Variants in FOXN3 observed in about 807,000 individuals in gnomAD.
FOXN3 encodes forkhead box N3, also known as forkhead box protein N3.
A neutral mutation model predicts 38.4 loss-of-function variants in FOXN3; 7 were observed. That is an observed-to-expected ratio of 0.18 (90% CI 0.10 to 0.34). The LOEUF is 0.34. FOXN3 is among the 10% of genes least tolerant of loss of function. The pLI, the probability that FOXN3 is intolerant of heterozygous loss-of-function variation, is 1.00. For missense variants in FOXN3, 456 were observed against 613.4 expected (o/e 0.74, Z 2.71); for synonymous variants, 230 against 242.2 (o/e 0.95, Z 0.47).
chr14:89,447,589 A>G (rs1028299800), intron 1 of FOXN3, among the ~76,000 whole-genome samples: 4 of 152,048 alleles, frequency 2.6e-5, no homozygotes, highest in African/African-American at 9.7e-5. Context: ...GAGGAGAAGT[A>G]CCAACTCCCA....
At position 89,432,472 on chromosome 14, in the gene FOXN3, G is replaced by C. The variant is rs189133756; in HGVS notation, c.-14-19982C>G. ...AAAAGCTTCCTGCAGGCCAGGCACC[G>C]TGCCAAGAGCTTTACCTGCATTATT... On this transcript the variant is annotated intron_variant, in intron 1 of 6. Coordinates refer to the FOXN3 transcript ENST00000345097. 2.8e-4 allele frequency among the ~76,000 whole-genome samples: 42 copies of C among 152,170 alleles called. No homozygotes were observed. The East Asian group carries it at 2.9e-3, about 10-fold the overall frequency.
intron 1 of FOXN3, among the ~76,000 whole-genome samples, chr14:89,604,240 C>CACAG (rs1896220539): frequency 7.3e-6 from 1 of 137,188 alleles, no homozygotes; most frequent in African/African-American, 2.9e-5. Flanking sequence ...CACACACACA[C>CACAG]GTGCGCGCAC....
intron 2 of FOXN3, among the ~76,000 whole-genome samples, chr14:89,372,867 G>A (rs1215494427): frequency 6.6e-6 from 1 of 152,134 alleles, no homozygotes; most frequent in Admixed American, 6.6e-5. Context: ...AATTTAAAAT[G>A]GCTTTCAACA....
chr14:89,343,697 A>T (rs1409480987), intron 3 of FOXN3, among the ~76,000 whole-genome samples: 1 of 143,602 alleles, frequency 7.0e-6, no homozygotes, highest in African/African-American at 2.6e-5. Context: ...AGCTAAAAGG[A>T]GAAGCTTAAA....
chr14:89,227,768 T>C (rs141393942), intron 4 of FOXN3, among the ~76,000 whole-genome samples: 15 of 152,326 alleles, frequency 9.8e-5, no homozygotes, highest in Non-Finnish European at 1.5e-4. Context: ...GAGTCTCCTA[T>C]GGCCTTGAAG....
At position 89,161,196 on chromosome 14, in the gene FOXN3, C is replaced by T. The variant is rs928676997; in HGVS notation, c.*1218G>A. The T allele has an allele frequency of 1.3e-5, 2 of 152,344 alleles. No individual in the cohort carries two copies. The highest frequency in any genetic ancestry group is 2.9e-5 in the Non-Finnish European group (2 of 67,998). 9.4% of individuals were successfully genotyped at this position (152,344 alleles called of 1,614,324 possible). On this transcript the variant is annotated 3_prime_UTR_variant, in exon 6 of 6. Transcript: ENST00000557258. ...GGATCAGAAATTTCTGCTGGCTATA[C>T]TGGCTGAATGTGGAAATCACTGATT...
chr14:89,168,895 A>G (rs1038122692), intron 5 of FOXN3, among the ~76,000 whole-genome samples: 4 of 152,234 alleles, frequency 2.6e-5, no homozygotes, highest in African/African-American at 9.6e-5. Flanking sequence ...TAAAGTACTA[A>G]TTAAGATAAA....
chr14:89,371,269 A>T (rs1367388582), intron 2 of FOXN3, among the ~76,000 whole-genome samples: 1 of 152,010 alleles, frequency 6.6e-6, no homozygotes, highest in Non-Finnish European at 1.5e-5. Flanking sequence ...TTTGGGAGGG[A>T]TCTCTTCTGA....
chr14:89,506,324 T>TG (rs1171729171), intron 1 of FOXN3, among the ~76,000 whole-genome samples: 3 of 28,274 alleles, frequency 1.1e-4, no homozygotes, highest in Admixed American at 5.3e-4. Context: ...GGGAGGGAGG[T>TG]GGGGGGGTCA....
chr14:89,422,674 G>A (rs1422786590), intron 1 of FOXN3, among the ~76,000 whole-genome samples: 2 of 152,120 alleles, frequency 1.3e-5, no homozygotes, highest in African/African-American at 4.8e-5. Context: ...GTAAAGTCTT[G>A]GTCAAACATC....
chr14:89,211,998 T>C (rs1884109413), intron 4 of FOXN3, among the ~76,000 whole-genome samples: 1 of 152,034 alleles, frequency 6.6e-6, no homozygotes. Flanking sequence ...GTAGCATAAG[T>C]AGTGACCACA....
At chr14:89,544,493 A>G (rs1284823694) in intron 1 of FOXN3, among the ~76,000 whole-genome samples, 1 of 152,216 alleles carries the variant, frequency 6.6e-6, no homozygotes, top group African/African-American at 2.4e-5. Context: ...ACATCAGTCA[A>G]TAATCAACAA....
At chr14:89,458,030 CAAAAAAAAAA>C (rs11445763) in intron 1 of FOXN3, among the ~76,000 whole-genome samples, 10 of 53,532 alleles carry the variant, frequency 1.9e-4, no homozygotes, top group South Asian at 8.0e-4. Context: ...AACTCCATCT[CAAAAAAAAAA>C]AAAAAAAAAA....
intron 1 of FOXN3, among the ~76,000 whole-genome samples, chr14:89,455,137 G>C (rs1028726381): frequency 6.6e-6 from 1 of 152,194 alleles, no homozygotes; most frequent in Non-Finnish European, 1.5e-5. Flanking sequence ...CCTCATCAGT[G>C]AGATTAAAGG....
chr14:89,546,645 T>C (rs1894891336), intron 1 of FOXN3, among the ~76,000 whole-genome samples: 1 of 151,936 alleles, frequency 6.6e-6, no homozygotes, highest in Non-Finnish European at 1.5e-5. Context: ...GCTTCTTTTC[T>C]TAAAATAATT....
intron 3 of FOXN3, among the ~76,000 whole-genome samples, chr14:89,343,042 T>C (rs1008108965): frequency 4.6e-5 from 7 of 152,224 alleles, no homozygotes; most frequent in Admixed American, 2.0e-4. Context: ...AGTCCTTCAA[T>C]GTAAGTTAAA....
chr14:89,497,406 T>G (rs1455751693), intron 1 of FOXN3, among the ~76,000 whole-genome samples: 1 of 254 alleles, frequency 3.9e-3, no homozygotes, highest in East Asian at 0.062. Context: ...ATAAATATCT[T>G]TTTTTTTTTT....
intron 3 of FOXN3, among the ~76,000 whole-genome samples, chr14:89,341,814 G>C (rs1018198020): frequency 6.6e-6 from 1 of 152,140 alleles, no homozygotes; most frequent in Admixed American, 6.5e-5. Flanking sequence ...CTGGGAAGGC[G>C]AGGGGTTTGA....
intron 1 of FOXN3, among the ~76,000 whole-genome samples, chr14:89,516,149 C>A (rs380925): frequency 0.55 from 83,706 of 152,052 alleles, 23,539 homozygotes; most frequent in Middle Eastern, 0.6. Flanking sequence ...TTGTGAGGCA[C>A]CAACCAACAC....
Sources: gnomAD v4.1 joint callset for allele counts (sites outside exome capture counted in the v4.1 genomes callset) on GRCh38, gnomAD v4.1.1 for gene constraint, MANE v1.5 for transcripts, NCBI Gene and HGNC (gene_info 2026-07-23, HGNC 2026-07-21) for gene names.